RALGPS1: variants seen among roughly 807,000 people sequenced by gnomAD.
The protein encoded by RALGPS1 is ras-specific guanine nucleotide-releasing factor RalGPS1.
In RALGPS1, 19 loss-of-function variants were observed where a neutral mutation model predicts 78.8. That is an observed-to-expected ratio of 0.24 (90% CI 0.17 to 0.35). The LOEUF (loss-of-function observed/expected upper bound fraction) is 0.35, where lower values mean the gene tolerates loss of function less well. Among genes scored for constraint, RALGPS1 ranks in the 10% least tolerant of loss-of-function variants. The pLI is 1.00. For missense variants in RALGPS1, 454 were observed against 688.3 expected, an observed-to-expected ratio of 0.66 and a Z score of 3.81; for synonymous variants, 228 against 256.3, an observed-to-expected ratio of 0.89 and a Z score of 1.06.
intron 4 of RALGPS1, among the ~76,000 whole-genome samples, chr9:127,026,291 C>T (rs1251011429): frequency 6.6e-6 from 1 of 152,190 alleles, no homozygotes; most frequent in East Asian, 1.9e-4. Flanking sequence ...ATTCTAGCCG[C>T]ATTGGCAGCT....
intron 8 of RALGPS1, among the ~76,000 whole-genome samples, chr9:127,081,238 T>TA (rs57236643): frequency 2.6e-5 from 4 of 152,310 alleles, no homozygotes; most frequent in Admixed American, 2.0e-4. Context: ...CATTTTTTTT[T>TA]AAATATACAT....
chr9:127,160,750 G>C (rs1173184743), intron 8 of RALGPS1, among the ~76,000 whole-genome samples: 1 of 152,212 alleles, frequency 6.6e-6, no homozygotes, highest in East Asian at 1.9e-4. Context: ...GTCTGTCCCA[G>C]ATCTTTGGAG....
intron 1 of RALGPS1, among the ~76,000 whole-genome samples, chr9:126,921,582 AT>A (rs2034760777): frequency 6.6e-6 from 1 of 152,102 alleles, no homozygotes; most frequent in Non-Finnish European, 1.5e-5. Context: ...TTTGCAGGAG[AT>A]TTATCTCCTG....
At chr9:126,974,956 C>T (rs928157663) in intron 3 of RALGPS1, among the ~76,000 whole-genome samples, 1 of 151,288 alleles carries the variant, frequency 6.6e-6, no homozygotes, top group African/African-American at 2.4e-5. Flanking sequence ...CAACCCCTAC[C>T]CATACTTCCC....
At chr9:126,966,625 C>A (rs2039526486) in intron 3 of RALGPS1, among the ~76,000 whole-genome samples, 1 of 150,240 alleles carries the variant, frequency 6.7e-6, no homozygotes, top group Non-Finnish European at 1.5e-5. Context: ...ATGTCTGGAT[C>A]TATATAGCCA....
intron 4 of RALGPS1, among the ~76,000 whole-genome samples, chr9:126,989,587 G>C (rs1317683973): frequency 1.3e-5 from 2 of 152,184 alleles, no homozygotes; most frequent in Non-Finnish European, 2.9e-5. Context: ...GGCAGGCCAG[G>C]GGTGGTCTGG....
At chr9:126,999,542 C>A (rs1481072683) in intron 4 of RALGPS1, among the ~76,000 whole-genome samples, 1 of 152,168 alleles carries the variant, frequency 6.6e-6, no homozygotes, top group Non-Finnish European at 1.5e-5. Flanking sequence ...CATAGTTTTA[C>A]CTTTTCCAGA....
At chr9:127,055,605 A>G (rs575158792) in intron 7 of RALGPS1, among the ~76,000 whole-genome samples, 2 of 152,288 alleles carry the variant, frequency 1.3e-5, no homozygotes, top group South Asian at 4.2e-4. Context: ...ATAGATGAGG[A>G]AACAGACACA....
intron 1 of RALGPS1, among the ~76,000 whole-genome samples, chr9:126,938,715 G>A (rs1312269136): frequency 6.6e-6 from 1 of 152,250 alleles, no homozygotes; most frequent in Non-Finnish European, 1.5e-5. Flanking sequence ...GGTGGCCACA[G>A]CTGTGACAGT....
At chr9:126,999,645 C>T (rs1376049477) in intron 4 of RALGPS1, among the ~76,000 whole-genome samples, 1 of 152,174 alleles carries the variant, frequency 6.6e-6, no homozygotes, top group African/African-American at 2.4e-5. Flanking sequence ...CATGTCTTTT[C>T]ATGGCTTGAT....
At chr9:127,151,261 C>T (rs956744568) in intron 8 of RALGPS1, among the ~76,000 whole-genome samples, 2 of 151,830 alleles carry the variant, frequency 1.3e-5, no homozygotes, top group African/African-American at 4.8e-5. Context: ...GGTGAAACAA[C>T]CCCATAGATT....
chr9:127,132,112 C>T (rs555394957), intron 8 of RALGPS1, among the ~76,000 whole-genome samples: 7 of 152,236 alleles, frequency 4.6e-5, no homozygotes, highest in South Asian at 4.1e-4. Context: ...ATGCTGGTTA[C>T]GTATCATGCA....
intron 7 of RALGPS1, among the ~76,000 whole-genome samples, chr9:127,057,328 C>T (rs1233104913): frequency 2.0e-5 from 3 of 152,208 alleles, no homozygotes; most frequent in African/African-American, 7.2e-5. Context: ...CACTGAAAGC[C>T]TGAATATCTG....
chr9:127,132,358 G>A lies in RALGPS1; in HGVS notation c.611-33711G>A, dbSNP rs550680080. On this transcript the variant is annotated intron_variant, in intron 8 of 18. Coordinates refer to ENST00000259351, the MANE Select transcript of RALGPS1 (RefSeq NM_014636.3). ...CGTTAAAAAAAGGTTCCTATAAATCGTCTTGCAGAAATTACTTCTGTGAAT... is the reference window on the plus strand; with the variant it reads ...CGTTAAAAAAAGGTTCCTATAAATCATCTTGCAGAAATTACTTCTGTGAAT... Among the ~76,000 whole-genome samples the A allele has an allele frequency of 1.9e-4, 29 of 152,284 alleles. No individual in the cohort carries two copies. In the East Asian group the frequency reaches 5.0e-3, roughly 26 times the overall value.
At chr9:127,136,528 G>A (rs774748661) in intron 8 of RALGPS1, among the ~76,000 whole-genome samples, 3 of 152,178 alleles carry the variant, frequency 2.0e-5, no homozygotes, top group Non-Finnish European at 4.4e-5. Context: ...TGTGCCTTGG[G>A]AGAGCTCTTC....
At chr9:126,961,795 C>T (rs894391363) in intron 1 of RALGPS1, among the ~76,000 whole-genome samples, 3 of 152,084 alleles carry the variant, frequency 2.0e-5, no homozygotes, top group African/African-American at 7.3e-5. Flanking sequence ...GACCCTGTCT[C>T]AAAATAAATA....
intron 8 of RALGPS1, among the ~76,000 whole-genome samples, chr9:127,127,733 A>G (rs564630914): frequency 5.9e-5 from 9 of 152,258 alleles, no homozygotes; most frequent in South Asian, 2.1e-4. Flanking sequence ...TTACTATTCT[A>G]TTTTACTAAC....
rs373277881 is a variant in RALGPS1 at position 127,218,704 on chromosome 9, C to A, written c.1645-36C>A. 2.5e-6 allele frequency: 4 copies of A among 1,608,818 alleles called. No homozygotes were observed. The highest frequency in any genetic ancestry group is 3.4e-6 in the Non-Finnish European group (4 of 1,175,210). ...ACCACCCCTTGTCCTTCTCTGAGGT[C>A]GGAACTTTAACAAGAGGCTGAGCTT... On this transcript the variant is annotated intron_variant, in intron 18 of 18. Coordinates refer to ENST00000259351, the MANE Select transcript of RALGPS1 (RefSeq NM_014636.3). This position sits in a 1 kb window ranked among gnomAD's most constrained non-coding sequence, Gnocchi z 4.4.
At chr9:127,130,579 G>A (rs1048005809) in intron 8 of RALGPS1, among the ~76,000 whole-genome samples, 1 of 152,188 alleles carries the variant, frequency 6.6e-6, no homozygotes, top group African/African-American at 2.4e-5. Flanking sequence ...TATGAAGTCT[G>A]CTTAACCAAA....
Sources: allele counts gnomAD v4.1 joint callset (sites outside exome capture counted in the v4.1 genomes callset), GRCh38; gene constraint gnomAD v4.1.1; non-coding constraint Gnocchi (gnomAD v3.1); transcripts MANE v1.5; gene names NCBI Gene and HGNC (gene_info 2026-07-23, HGNC 2026-07-21).